The following EYS variants were observed in gnomAD, a reference collection of about 807,000 sequenced individuals.
EYS encodes the protein EGF-like photoreceptor maintenance factor.
EYS carries 250 observed loss-of-function variants against 282.1 expected under a neutral mutation model. The observed-to-expected ratio is 0.89, with a 90% CI of 0.80 to 0.98. The LOEUF (loss-of-function observed/expected upper bound fraction) is 0.98, where lower values mean the gene tolerates loss of function less well. Among genes scored for constraint, EYS ranks in the 50% least tolerant of loss-of-function variants. The pLI, the probability that EYS is intolerant of heterozygous loss-of-function variation, is 0.00. For synonymous variants in EYS, 1,355 were observed against 1,282.9 expected (o/e 1.06, Z -1.20); for missense variants, 4,016 against 3,709.0 (o/e 1.08, Z -2.15).
At chr6:64,897,719 A>G (rs141724284) in intron 18 of EYS, among the ~76,000 whole-genome samples, 151 of 152,318 alleles carry the variant, frequency 9.9e-4, no homozygotes, top group Non-Finnish European at 1.4e-3. Context: ...AAAATGTTAG[A>G]GGAATTGCTA....
intron 24 of EYS, among the ~76,000 whole-genome samples, chr6:64,598,359 G>A (rs547355413): frequency 6.6e-5 from 10 of 152,316 alleles, no homozygotes; most frequent in African/African-American, 1.4e-4. Context: ...TACTCGGGAG[G>A]CTGAGGCAGG....
chr6:64,741,142 A>G (rs1375129504), intron 22 of EYS, among the ~76,000 whole-genome samples: 4 of 152,170 alleles, frequency 2.6e-5, no homozygotes, highest in Admixed American at 2.0e-4. Flanking sequence ...TTCTTAAATA[A>G]TAATACTTGA....
chr6:64,518,635 C>G (rs1428980142), intron 26 of EYS, among the ~76,000 whole-genome samples: 1 of 151,648 alleles, frequency 6.6e-6, no homozygotes, highest in East Asian at 1.9e-4. Flanking sequence ...GCGTCCCCAC[C>G]GAAATCTCAT....
intron 26 of EYS, among the ~76,000 whole-genome samples, chr6:64,440,644 T>C (rs1774908984): frequency 6.6e-6 from 1 of 152,134 alleles, no homozygotes; most frequent in African/African-American, 2.4e-5. Flanking sequence ...GTTAAAAGCA[T>C]AATACAATAA....
At chr6:64,644,766 T>C (rs2149873866) in intron 22 of EYS, among the ~76,000 whole-genome samples, 1 of 152,290 alleles carries the variant, frequency 6.6e-6, no homozygotes, top group South Asian at 2.1e-4. Flanking sequence ...AAAATAATGG[T>C]CTGGGTTCTC....
intron 22 of EYS, among the ~76,000 whole-genome samples, chr6:64,750,171 T>C (rs1772697136): frequency 6.6e-6 from 1 of 152,062 alleles, no homozygotes; most frequent in African/African-American, 2.4e-5. Context: ...TTTTTAAAGC[T>C]ATATTTTGGG....
chr6:64,848,089 T>G (rs1245988831), intron 19 of EYS, among the ~76,000 whole-genome samples: 1 of 152,060 alleles, frequency 6.6e-6, no homozygotes, highest in African/African-American at 2.4e-5. Flanking sequence ...TGTATAAGAT[T>G]CTGAGCTCAT....
intron 31 of EYS, among the ~76,000 whole-genome samples, chr6:64,193,968 C>T (rs1480489701): frequency 6.6e-6 from 1 of 152,116 alleles, no homozygotes; most frequent in African/African-American, 2.4e-5. Context: ...CATACGTGTG[C>T]ATGTGTCTTT....
intron 31 of EYS, among the ~76,000 whole-genome samples, chr6:64,192,318 A>G (rs2150317177): frequency 6.6e-6 from 1 of 152,184 alleles, no homozygotes; most frequent in South Asian, 2.1e-4. Flanking sequence ...TGCTGTGAAG[A>G]AGCTCTTTAG....
intron 30 of EYS, among the ~76,000 whole-genome samples, chr6:64,244,669 T>C (rs1433593027): frequency 6.6e-6 from 1 of 152,196 alleles, no homozygotes; most frequent in African/African-American, 2.4e-5. Flanking sequence ...CAGCTCCTTT[T>C]GCAACACCTT....
chr6:65,434,055 T>G (rs2150386475), intron 5 of EYS, among the ~76,000 whole-genome samples: 1 of 152,290 alleles, frequency 6.6e-6, no homozygotes, highest in East Asian at 1.9e-4. Context: ...AGATAAACCA[T>G]TTTTTATTTT....
At chr6:65,549,471 T>C (rs1768519086) in intron 2 of EYS, among the ~76,000 whole-genome samples, 1 of 152,168 alleles carries the variant, frequency 6.6e-6, no homozygotes, top group Admixed American at 6.5e-5. Context: ...AGACTACACC[T>C]CTGCTCATTA....
chr6:64,704,119 A>C (rs1646501219), intron 22 of EYS, among the ~76,000 whole-genome samples: 1 of 151,926 alleles, frequency 6.6e-6, no homozygotes, highest in Non-Finnish European at 1.5e-5. Flanking sequence ...CAATAACAAA[A>C]TTCTGGACTC....
chr6:63,800,609 CTGACCAACA>C (rs200577557), intron 37 of EYS, among the ~76,000 whole-genome samples: 1,809 of 152,206 alleles, frequency 0.012, 31 homozygotes, highest in African/African-American at 0.042. Context: ...CATGACCAGC[CTGACCAACA>C]TGATGAAACC....
At chr6:64,000,057 G>C (rs1298233865) in intron 33 of EYS, among the ~76,000 whole-genome samples, 2 of 146,156 alleles carry the variant, frequency 1.4e-5, no homozygotes, top group African/African-American at 5.1e-5. Context: ...TCTCATTTTT[G>C]CTTATTTGTA....
At chr6:65,345,557 A>G (rs941650431) in intron 9 of EYS, among the ~76,000 whole-genome samples, 1 of 151,778 alleles carries the variant, frequency 6.6e-6, no homozygotes, top group Admixed American at 6.6e-5. Context: ...TATTTAAGAA[A>G]TTGTAGGATT....
chr6:65,407,686 A>C (rs1582252872), intron 5 of EYS, among the ~76,000 whole-genome samples: 1 of 152,002 alleles, frequency 6.6e-6, no homozygotes, highest in African/African-American at 2.4e-5. Flanking sequence ...TCTACATATT[A>C]GATCATGTCA....
rs17401950 is a variant in EYS at position 64,480,519 on chromosome 6, C to T, written c.5645-41167G>A. ...TTGTGCGATGTTAGAGTTCAGCTAA[C>T]GTTGATAAGACTAAATGAAAGTTTG... is the stretch of plus-strand genomic sequence containing the variant. On this transcript the variant is annotated intron_variant, in intron 26 of 42. Transcript: ENST00000503581. Among the ~76,000 whole-genome samples the T allele has an allele frequency of 7.9e-3, 1,197 of 151,764 alleles. 4 individuals carry two copies. Among genetic ancestry groups the T allele is most frequent in the Non-Finnish European group, 0.012 (847 of 67,816 alleles).
intron 33 of EYS, among the ~76,000 whole-genome samples, chr6:64,008,299 T>A (rs1582122615): frequency 6.6e-6 from 1 of 152,220 alleles, no homozygotes; most frequent in African/African-American, 2.4e-5. Flanking sequence ...TAGCTACCCC[T>A]GCTGTTTTCC....
Sources: allele counts gnomAD v4.1 joint callset (sites outside exome capture counted in the v4.1 genomes callset), GRCh38; gene constraint gnomAD v4.1.1; transcripts MANE v1.5; gene names NCBI Gene and HGNC (gene_info 2026-07-23, HGNC 2026-07-21).